The following KCNN2 variants were observed in gnomAD, a reference collection of about 807,000 sequenced individuals.
KCNN2 encodes the protein small conductance calcium-activated potassium channel protein 2.
In KCNN2, 24 loss-of-function variants were observed where a neutral mutation model predicts 55.5. That is an observed-to-expected ratio of 0.43 (90% CI 0.31 to 0.61). KCNN2 has a LOEUF of 0.61. Among genes scored for constraint, KCNN2 ranks in the 20% least tolerant of loss-of-function variants. The pLI is 0.08. For missense variants in KCNN2, 754 were observed against 853.6 expected (o/e 0.88, Z 1.45); for synonymous variants, 431 against 336.1 (o/e 1.28, Z -3.09).
At chr5:114,210,581 A>G (rs1033157276) in intron 1 of KCNN2, among the ~76,000 whole-genome samples, 1 of 152,190 alleles carries the variant, frequency 6.6e-6, no homozygotes, top group African/African-American at 2.4e-5. Flanking sequence ...TGTATATACC[A>G]TTGTGATTAT....
At chr5:114,237,663 C>G (rs891213231) in intron 2 of KCNN2, among the ~76,000 whole-genome samples, 1 of 152,100 alleles carries the variant, frequency 6.6e-6, no homozygotes, top group African/African-American at 2.4e-5. Flanking sequence ...AAGTTTGAAA[C>G]ACACTGGCAC....
chr5:114,368,511 G>T lies in KCNN2; in HGVS notation c.1218+4510G>T, dbSNP rs1171770976. The stretch of plus-strand genomic sequence containing the variant: ...GAGGGGTGGTCCCTGTCTACTAGTA[G>T]GCTCTGTGGTTTGCTATGTGAAGGC... On this transcript the variant is annotated intron_variant, in intron 2 of 7. Transcript: ENST00000673685. Among the ~76,000 whole-genome samples the T allele has an allele frequency of 2.0e-5, 3 of 152,176 alleles. No homozygotes were observed. The East Asian group carries it at 5.8e-4, about 29-fold the overall frequency.
chr5:114,256,163 A>G (rs950041066), intron 2 of KCNN2, among the ~76,000 whole-genome samples: 3 of 152,098 alleles, frequency 2.0e-5, no homozygotes, highest in African/African-American at 7.2e-5. Context: ...CCATGTTGTT[A>G]AAAAAGATGT....
intron 2 of KCNN2, among the ~76,000 whole-genome samples, chr5:114,237,381 G>A (rs1420749482): frequency 6.6e-6 from 1 of 151,808 alleles, no homozygotes; most frequent in African/African-American, 2.4e-5. Flanking sequence ...GGCAAGACAT[G>A]TAAGCCCCTA....
chr5:114,390,973 C>A (rs1052654723), intron 2 of KCNN2, among the ~76,000 whole-genome samples: 15 of 152,116 alleles, frequency 9.9e-5, no homozygotes, highest in African/African-American at 3.6e-4. Flanking sequence ...AGCAGCATAA[C>A]ATGGATTTAT....
At chr5:114,171,427 A>G (rs1753030157) in intron 1 of KCNN2, among the ~76,000 whole-genome samples, 1 of 151,960 alleles carries the variant, frequency 6.6e-6, no homozygotes, top group African/African-American at 2.4e-5. Flanking sequence ...AACATTTTAG[A>G]AAATCAGTGG....
At chr5:114,138,474 G>A (rs751427416) in intron 1 of KCNN2, among the ~76,000 whole-genome samples, 13 of 152,084 alleles carry the variant, frequency 8.5e-5, no homozygotes, top group Non-Finnish European at 5.9e-5. Context: ...GTCAGACAAA[G>A]TTTCCTTAAG....
intron 2 of KCNN2, among the ~76,000 whole-genome samples, chr5:114,365,100 T>C (rs1274490441): frequency 6.6e-6 from 1 of 152,146 alleles, no homozygotes; most frequent in Non-Finnish European, 1.5e-5. Context: ...AAAGTAAATA[T>C]GGAAGAAATC....
At chr5:114,119,817 A>T (rs1034364641) in intron 1 of KCNN2, among the ~76,000 whole-genome samples, 1 of 152,248 alleles carries the variant, frequency 6.6e-6, no homozygotes, top group East Asian at 1.9e-4. Context: ...CTATAGCCCA[A>T]AGGTTCTGAC....
chr5:114,128,289 A>G (rs551371173), intron 1 of KCNN2, among the ~76,000 whole-genome samples: 5 of 152,282 alleles, frequency 3.3e-5, no homozygotes, highest in East Asian at 3.9e-4. Flanking sequence ...GAAATTTACA[A>G]TCTTGATGAA....
chr5:114,265,398 T>C (rs1208529247), intron 2 of KCNN2, among the ~76,000 whole-genome samples: 1 of 151,782 alleles, frequency 6.6e-6, no homozygotes, highest in Non-Finnish European at 1.5e-5. Context: ...AATTGACTCA[T>C]GTGATTATGG....
intron 2 of KCNN2, among the ~76,000 whole-genome samples, chr5:114,324,222 C>A (rs528315584): frequency 6.6e-6 from 1 of 152,146 alleles, no homozygotes; most frequent in African/African-American, 2.4e-5. Flanking sequence ...TTGTGGTAAG[C>A]AGAATAATGG....
intron 4 of KCNN2, among the ~76,000 whole-genome samples, chr5:114,471,567 G>A (rs1561404979): frequency 6.6e-6 from 1 of 152,062 alleles, no homozygotes; most frequent in African/African-American, 2.4e-5. Context: ...TAAAGAGTAG[G>A]AAAAATATCA....
chr5:114,189,015 T>G (rs1753395287), intron 1 of KCNN2, among the ~76,000 whole-genome samples: 1 of 152,130 alleles, frequency 6.6e-6, no homozygotes, highest in Non-Finnish European at 1.5e-5. Context: ...AAAAACTTGC[T>G]CTATTAGAAA....
At chr5:114,221,878 A>G (rs1754145601) in intron 2 of KCNN2, among the ~76,000 whole-genome samples, 1 of 152,184 alleles carries the variant, frequency 6.6e-6, no homozygotes, top group African/African-American at 2.4e-5. Context: ...TAAGTATCAG[A>G]AAATATGCTG....
chr5:114,365,598 C>T (rs938688338), intron 2 of KCNN2, among the ~76,000 whole-genome samples: 1 of 152,170 alleles, frequency 6.6e-6, no homozygotes, highest in African/African-American at 2.4e-5. Context: ...TGAGAACCAG[C>T]CCTATCCTAG....
At chr5:114,108,379 C>CT (rs1214160011) in intron 1 of KCNN2, among the ~76,000 whole-genome samples, 1 of 151,900 alleles carries the variant, frequency 6.6e-6, no homozygotes. Context: ...TGTCTCTAGT[C>CT]TTTTTTTAAT....
At chr5:114,359,067 G>A (rs1259571796), upstream of KCNN2, among the ~76,000 whole-genome samples, 1 of 152,158 alleles carries the variant, frequency 6.6e-6, no homozygotes, top group Admixed American at 6.5e-5. Flanking sequence ...ATATTTATTA[G>A]CAAGACGGCT....
intron 2 of KCNN2, among the ~76,000 whole-genome samples, chr5:114,364,239 A>T (rs776444240): frequency 6.6e-6 from 1 of 152,162 alleles, no homozygotes; most frequent in Non-Finnish European, 1.5e-5. Flanking sequence ...GACCCTTAAG[A>T]TTTTTACTTC....
Sources: gnomAD v4.1 joint callset for allele counts (sites outside exome capture counted in the v4.1 genomes callset) on GRCh38, gnomAD v4.1.1 for gene constraint, MANE v1.5 for transcripts, NCBI Gene and HGNC (gene_info 2026-07-23, HGNC 2026-07-21) for gene names.